ROBO2: variants seen among roughly 807,000 people sequenced by gnomAD.
The protein encoded by ROBO2 is roundabout guidance receptor 2.
Under a neutral mutation model 160.8 loss-of-function variants are expected in ROBO2, and 53 were observed. That is an observed-to-expected ratio of 0.33 (90% CI 0.26 to 0.41). The LOEUF is 0.41. ROBO2 is among the 10% of genes least tolerant of loss of function. The probability of loss-of-function intolerance (pLI) is 1.00; values close to 1 mark genes in which losing one functional copy is unlikely to be tolerated. For missense variants in ROBO2, 1,577 were observed against 1,722.4 expected (o/e 0.92, Z 1.49); for synonymous variants, 664 against 611.7 (o/e 1.09, Z -1.26).
intron 2 of ROBO2, among the ~76,000 whole-genome samples, chr3:76,768,482 G>C (rs1386813389): frequency 6.6e-6 from 1 of 151,298 alleles, no homozygotes; most frequent in African/African-American, 2.4e-5. Context: ...TGTTCTAGAA[G>C]TATTTATTAG....
intron 2 of ROBO2, among the ~76,000 whole-genome samples, chr3:76,885,212 A>T (rs976767303): frequency 1.3e-5 from 2 of 152,152 alleles, no homozygotes; most frequent in African/African-American, 4.8e-5. Flanking sequence ...TCTGTGGGTA[A>T]TTTTACTGTC....
Position 76,462,991 on chromosome 3 carries a change from T to A in ROBO2, c.109+525389T>A, listed in dbSNP as rs559995643. On this transcript the variant is annotated intron_variant, in intron 2 of 26. Coordinates refer to the ROBO2 transcript ENST00000487694. ...GCATCCACAGGCCCAGTCTGAACAG[T>A]GTGTAGGTCCACTCACTTTGCCCAT... Among the ~76,000 whole-genome samples, 30 of 151,768 alleles carry A rather than the reference T, an allele frequency of 2.0e-4. No homozygotes were observed. In the South Asian group the frequency reaches 6.2e-3, roughly 31 times the overall value.
chr3:76,850,609 C>T (rs1454793866), intron 2 of ROBO2, among the ~76,000 whole-genome samples: 1 of 152,096 alleles, frequency 6.6e-6, no homozygotes, highest in Non-Finnish European at 1.5e-5. Flanking sequence ...CGATGATGCT[C>T]TTTTTTGCTC....
intron 2 of ROBO2, among the ~76,000 whole-genome samples, chr3:76,703,969 G>T (rs1052054549): frequency 3.3e-5 from 5 of 151,454 alleles, no homozygotes; most frequent in African/African-American, 1.2e-4. Context: ...ATCAACAGTA[G>T]TTCAAATAGT....
chr3:77,159,982 C>A (rs1159863390), intron 2 of ROBO2, among the ~76,000 whole-genome samples: 2 of 151,810 alleles, frequency 1.3e-5, no homozygotes, highest in Admixed American at 6.6e-5. Flanking sequence ...TGAAATTATC[C>A]CCTTGCCTCT....
chr3:77,353,520 T>A (rs910667250), intron 2 of ROBO2, among the ~76,000 whole-genome samples: 1 of 151,424 alleles, frequency 6.6e-6, no homozygotes, highest in African/African-American at 2.4e-5. Context: ...CTAGGGAACC[T>A]TTTTTTTTGA....
chr3:77,589,861 T>C (rs1177397897), intron 17 of ROBO2, among the ~76,000 whole-genome samples: 2 of 152,174 alleles, frequency 1.3e-5, no homozygotes, highest in East Asian at 1.9e-4. Flanking sequence ...CAGTTTTAAT[T>C]TGACATTATT....
intron 2 of ROBO2, among the ~76,000 whole-genome samples, chr3:76,932,608 C>T (rs2324702): frequency 0.031 from 4,752 of 152,144 alleles, 221 homozygotes; most frequent in African/African-American, 0.11. Flanking sequence ...AAAGTACATC[C>T]AGGTAAAACA....
chr3:77,487,383 C>A (rs1053411153), intron 4 of ROBO2, among the ~76,000 whole-genome samples: 2 of 152,074 alleles, frequency 1.3e-5, no homozygotes, highest in African/African-American at 4.8e-5. Context: ...TGAAATTTTG[C>A]CTCTAATATG....
rs370983229 is a variant in ROBO2 at position 77,638,610 on chromosome 3, C to T, written c.3934+3567C>T. Among the ~76,000 whole-genome samples the T allele has an allele frequency of 7.2e-5, 11 of 152,272 alleles. No homozygotes were observed. In the South Asian group the frequency reaches 2.1e-3, roughly 29 times the overall value. ...TCCCAAAGACTGAAAAACCCACACA[C>T]ATCTTAAAGAGTGTTCTTCTCCCTT... On this transcript the variant is annotated intron_variant, in intron 24 of 25. Coordinates refer to ENST00000461745, the Ensembl canonical transcript of ROBO2.
chr3:76,431,314 A>G (rs2076428240), intron 2 of ROBO2, among the ~76,000 whole-genome samples: 2 of 152,158 alleles, frequency 1.3e-5, no homozygotes, highest in Admixed American at 6.5e-5. Context: ...TAAAAAATTA[A>G]CATATGTACT....
intron 2 of ROBO2, among the ~76,000 whole-genome samples, chr3:75,992,261 G>T (rs889649869): frequency 6.6e-6 from 1 of 152,082 alleles, no homozygotes; most frequent in East Asian, 1.9e-4. Flanking sequence ...CAGAGGTTTA[G>T]GAGAAAAAAA....
intron 2 of ROBO2, among the ~76,000 whole-genome samples, chr3:77,431,468 CA>C (rs1456435509): frequency 5.3e-5 from 8 of 152,124 alleles, no homozygotes; most frequent in Non-Finnish European, 4.4e-5. Context: ...AACCACAGTT[CA>C]AAAATAGATA....
At chr3:77,581,370 AAATTGT>A (rs1377439265) in intron 16 of ROBO2, among the ~76,000 whole-genome samples, 1 of 152,092 alleles carries the variant, frequency 6.6e-6, no homozygotes, top group South Asian at 2.1e-4. Flanking sequence ...GCTTCCTAAG[AAATTGT>A]GGCTTACCTC....
intron 2 of ROBO2, among the ~76,000 whole-genome samples, chr3:76,066,898 G>T (rs1461922960): frequency 6.6e-6 from 1 of 152,018 alleles, no homozygotes; most frequent in African/African-American, 2.4e-5. Context: ...GAATCTTTTG[G>T]AATCTGGCTG....
At chr3:77,515,154 A>G (rs1428592226) in intron 5 of ROBO2, among the ~76,000 whole-genome samples, 2 of 151,694 alleles carry the variant, frequency 1.3e-5, no homozygotes, top group African/African-American at 4.8e-5. Flanking sequence ...ATCTGATCAC[A>G]ATTACAGGCC....
intron 2 of ROBO2, among the ~76,000 whole-genome samples, chr3:76,610,938 T>A: frequency 6.6e-6 from 1 of 152,194 alleles, no homozygotes; most frequent in Non-Finnish European, 1.5e-5. Context: ...ATAAGGCAGA[T>A]AATAATTTTA....
intron 2 of ROBO2, among the ~76,000 whole-genome samples, chr3:76,347,996 G>A (rs35261459): frequency 0.11 from 17,241 of 152,124 alleles, 1,103 homozygotes; most frequent in African/African-American, 0.16. Flanking sequence ...TTACCCATAT[G>A]CTGAAAACTG....
intron 2 of ROBO2, among the ~76,000 whole-genome samples, chr3:76,230,635 A>T (rs1704565706): frequency 6.6e-6 from 1 of 151,960 alleles, no homozygotes; most frequent in African/African-American, 2.4e-5. Context: ...TTCATCTGGA[A>T]TTACTTACTA....
Sources: allele counts gnomAD v4.1 joint callset (sites outside exome capture counted in the v4.1 genomes callset), GRCh38; gene constraint gnomAD v4.1.1; transcripts MANE v1.5; gene names NCBI Gene and HGNC (gene_info 2026-07-23, HGNC 2026-07-21).